The following GRB10 variants were observed in gnomAD, a reference collection of about 807,000 sequenced individuals.
GRB10 encodes growth factor receptor bound protein 10.
In GRB10, 20 loss-of-function variants were observed where a neutral mutation model predicts 80.9. The observed-to-expected ratio is 0.25, with a 90% confidence interval of 0.17 to 0.36. GRB10 has a LOEUF of 0.36. Among genes scored for constraint, GRB10 ranks in the 10% least tolerant of loss-of-function variants. The probability of loss-of-function intolerance (pLI) is 1.00; values close to 1 mark genes in which losing one functional copy is unlikely to be tolerated. For missense variants in GRB10, 548 were observed against 747.7 expected (o/e 0.73, Z 3.12); for synonymous variants, 291 against 291.5 (o/e 1.00, Z 0.02).
intron 7 of GRB10, among the ~76,000 whole-genome samples, chr7:50,635,285 T>C (rs907138013): frequency 2.0e-5 from 3 of 152,196 alleles, no homozygotes; most frequent in Admixed American, 2.0e-4. Flanking sequence ...GAATGACTTT[T>C]GGGTAAACAA....
chr7:50,683,631 A>G (rs2061778251), intron 5 of GRB10, among the ~76,000 whole-genome samples: 1 of 152,120 alleles, frequency 6.6e-6, no homozygotes, highest in Non-Finnish European at 1.5e-5. Flanking sequence ...CAGCTATTCA[A>G]GAGCCTGAGG....
intron 17 of GRB10, among the ~76,000 whole-genome samples, chr7:50,597,225 A>G (rs12540874): frequency 0.33 from 50,495 of 152,178 alleles, 9,259 homozygotes; most frequent in East Asian, 0.42. Context: ...CCTTTCTAAA[A>G]TAGCACTTTG....
chr7:50,775,161 C>CAAAAAAACAAAA (rs2077462218), intron 2 of GRB10, among the ~76,000 whole-genome samples: 1 of 31,026 alleles, frequency 3.2e-5, no homozygotes, highest in African/African-American at 1.1e-4. Context: ...ATCCTGTCTC[C>CAAAAAAACAAAA]AAAAAAAAAA....
chr7:50,739,389 T>C (rs1186116323), intron 3 of GRB10, among the ~76,000 whole-genome samples: 4 of 152,174 alleles, frequency 2.6e-5, no homozygotes, highest in Non-Finnish European at 5.9e-5. Context: ...TTATGGTGGA[T>C]TTAAACTGTA....
intron 2 of GRB10, among the ~76,000 whole-genome samples, chr7:50,773,165 T>G (rs1342067513): frequency 6.6e-6 from 1 of 152,002 alleles, no homozygotes; most frequent in Non-Finnish European, 1.5e-5. Flanking sequence ...CTCATGAGAC[T>G]TATTCACTAT....
intron 1 of GRB10, among the ~76,000 whole-genome samples, chr7:50,790,917 G>C (rs1431909070): frequency 1.3e-5 from 2 of 152,104 alleles, no homozygotes; most frequent in African/African-American, 2.4e-5. Flanking sequence ...CTAACTCTTC[G>C]AGTCTGACTC....
intron 2 of GRB10, among the ~76,000 whole-genome samples, chr7:50,756,867 T>C (rs1587902746): frequency 1.3e-5 from 2 of 152,104 alleles, no homozygotes; most frequent in African/African-American, 4.8e-5. Flanking sequence ...TTAAATGAAA[T>C]ACACAGAGAA....
chr7:50,728,452 T>G (rs935034332), intron 4 of GRB10, among the ~76,000 whole-genome samples: 1 of 152,056 alleles, frequency 6.6e-6, no homozygotes, highest in Non-Finnish European at 1.5e-5. Flanking sequence ...GCAGATGAAG[T>G]CTCATCTGAG....
intron 3 of GRB10, among the ~76,000 whole-genome samples, chr7:50,750,212 C>G (rs1398100629): frequency 6.6e-6 from 1 of 152,234 alleles, no homozygotes; most frequent in East Asian, 1.9e-4. Flanking sequence ...GAACTGAATT[C>G]TCTTGGGAGC....
chr7:50,676,750 G>A (rs796122742), intron 5 of GRB10, among the ~76,000 whole-genome samples: 10 of 152,276 alleles, frequency 6.6e-5, no homozygotes, highest in African/African-American at 2.2e-4. Context: ...GGGCAACCAC[G>A]GTAGTGCAGA....
intron 5 of GRB10, among the ~76,000 whole-genome samples, chr7:50,675,216 C>G (rs923544248): frequency 2.0e-5 from 3 of 152,266 alleles, no homozygotes; most frequent in Non-Finnish European, 4.4e-5. Flanking sequence ...TGCCTGAGGG[C>G]TTCGGGTGCC....
intron 2 of GRB10, among the ~76,000 whole-genome samples, chr7:50,767,039 A>G: frequency 6.6e-6 from 1 of 152,206 alleles, no homozygotes; most frequent in East Asian, 1.9e-4. Flanking sequence ...GAAAACTGAC[A>G]CAGGGTATGG....
intron 3 of GRB10, among the ~76,000 whole-genome samples, chr7:50,735,368 A>C (rs2070621338): frequency 6.6e-6 from 1 of 152,236 alleles, no homozygotes; most frequent in Non-Finnish European, 1.5e-5. Context: ...AATACTACCT[A>C]AAGCAATCTA....
At chr7:50,730,817 C>T (rs1454867175) in intron 4 of GRB10, among the ~76,000 whole-genome samples, 1 of 152,174 alleles carries the variant, frequency 6.6e-6, no homozygotes, top group Non-Finnish European at 1.5e-5. Context: ...CCTCTGTGGC[C>T]ATTATCTGGC....
chr7:50,789,661 C>T (rs1456881820), intron 1 of GRB10, among the ~76,000 whole-genome samples: 1 of 152,144 alleles, frequency 6.6e-6, no homozygotes, highest in African/African-American at 2.4e-5. Context: ...ATAATAAGCC[C>T]CTCAAATTAG....
chr7:50,789,669 T>G (rs2078833574), intron 1 of GRB10, among the ~76,000 whole-genome samples: 1 of 152,148 alleles, frequency 6.6e-6, no homozygotes, highest in Non-Finnish European at 1.5e-5. Context: ...CCCCTCAAAT[T>G]AGGGATCTGA....
rs572061466 is a variant in GRB10 at position 50,732,264 on chromosome 7, G to A, written c.51+8C>T. The A allele has an allele frequency of 1.7e-4, 268 of 1,613,606 alleles. No homozygotes were observed. The highest frequency in any genetic ancestry group is 2.2e-4 in the Non-Finnish European group (254 of 1,179,580). On this transcript the variant is annotated splice_region_variant and intron_variant, in intron 4 of 18. Coordinates refer to ENST00000401949, the MANE Select transcript of GRB10 (RefSeq NM_001350814.2). The stretch of plus-strand genomic sequence containing the variant: ...GGGCCAGGATCAGATATATGTGCTC[G>A]CCCATACCTGGTAGTACGGATGGTG...
Position 50,669,977 on chromosome 7 carries a change from C to T in GRB10, c.363-114G>A, listed in dbSNP as rs1011945397. 3 of 1,300,860 alleles carry T rather than the reference C, an allele frequency of 2.3e-6. No individual in the cohort carries two copies. In the African/African-American group the frequency reaches 4.4e-5, roughly 19 times the overall value. The allele number at this position is 1,300,860 out of a possible 1,614,324, so 80.6% of individuals were successfully genotyped here. ...ACACAGGGCTTCTAGGAGTCACTGG[C>T]ATGCCCACGTTCACAGTGGCATCCT... On this transcript the variant is annotated intron_variant, in intron 6 of 18. Transcript: ENST00000401949.
intron 7 of GRB10, among the ~76,000 whole-genome samples, chr7:50,667,901 T>G (rs1258244175): frequency 1.3e-5 from 2 of 152,246 alleles, no homozygotes; most frequent in South Asian, 2.1e-4. Context: ...GCCAATTTTC[T>G]TGCCAAAGGC....
Sources: allele counts gnomAD v4.1 joint callset (sites outside exome capture counted in the v4.1 genomes callset), GRCh38; gene constraint gnomAD v4.1.1; transcripts MANE v1.5; gene names NCBI Gene and HGNC (gene_info 2026-07-23, HGNC 2026-07-21).